Variants in KIR3DL2 observed in about 807,000 individuals in gnomAD.
KIR3DL2 encodes killer cell immunoglobulin-like receptor 3DL2.
KIR3DL2 carries 42 observed loss-of-function variants against 41.6 expected under a neutral mutation model. The observed-to-expected ratio is 1.01, with a 90% CI of 0.79 to 1.31. The LOEUF (loss-of-function observed/expected upper bound fraction) is 1.31, where lower values mean the gene tolerates loss of function less well. Ranked by LOEUF, KIR3DL2 falls within the 50% of genes most tolerant of loss-of-function variation. The pLI, the probability that KIR3DL2 is intolerant of heterozygous loss-of-function variation, is 0.00. For synonymous variants in KIR3DL2, 230 were observed against 221.3 expected, an observed-to-expected ratio of 1.04 and a Z score of -0.35; for missense variants, 728 against 576.8, an observed-to-expected ratio of 1.26 and a Z score of -2.68.
Position 54,853,258 on chromosome 19 carries a change from C to G in KIR3DL2, c.356-489C>G, listed in dbSNP as rs201109175. Among the ~76,000 whole-genome samples the G allele has an allele frequency of 2.7e-4, 41 of 151,734 alleles. No homozygotes were observed. In the East Asian group the frequency reaches 7.7e-3, roughly 29 times the overall value. On this transcript the variant is annotated intron_variant, in intron 3 of 8. Transcript: ENST00000326321. ...TCCTGGAACCAGCACCAGGGACCAC[C>G]CTATGGAAGCTGGGGCCATGGAGAA...
At chr19:54,854,801 A>T (rs1200994312) in intron 4 of KIR3DL2, among the ~76,000 whole-genome samples, 1 of 151,830 alleles carries the variant, frequency 6.6e-6, no homozygotes, top group African/African-American at 2.4e-5. Flanking sequence ...GGGAGGAGAG[A>T]AAAGCCCCAA....
At chr19:54,866,454 C>T in intron 8 of KIR3DL2, 32 bp downstream of exon 8, 1 of 1,613,796 alleles carries the variant, frequency 6.2e-7, no homozygotes, top group Non-Finnish European at 8.5e-7. Context: ...CTCACGGATA[C>T]AGTCTTATCC....
At chr19:54,850,805 G>T (rs1369051383) in intron 1 of KIR3DL2, among the ~76,000 whole-genome samples, 1 of 92,962 alleles carries the variant, frequency 1.1e-5, no homozygotes, top group East Asian at 6.1e-4. Context: ...CTGGAGTGGA[G>T]ATATGGGCCT....
intron 4 of KIR3DL2, among the ~76,000 whole-genome samples, chr19:54,855,186 A>T (rs1422854684): frequency 6.6e-6 from 1 of 151,484 alleles, no homozygotes. Flanking sequence ...TACATAGATG[A>T]TTGATGGATA....
chr19:54,861,765 A>T (rs1391199345), intron 6 of KIR3DL2, among the ~76,000 whole-genome samples: 1 of 151,724 alleles, frequency 6.6e-6, no homozygotes, highest in African/African-American at 2.4e-5. Context: ...CCTTTATCTT[A>T]TCCATTAGAA....
In KIR3DL2 at chr19:54,851,195, C is replaced by T. The variant is rs2064198023; in HGVS notation, c.35-25C>T. ...TGCCCTGGTTTGCCTGCAGTTGGAT[C>T]GTCTATCATGATCTTTCTTTCCAGG... On this transcript the variant is annotated intron_variant, in intron 1 of 8. Coordinates refer to ENST00000326321, the MANE Select transcript of KIR3DL2 (RefSeq NM_006737.4). 15 of 1,608,952 alleles carry T rather than the reference C, an allele frequency of 9.3e-6. 1 individual carries two copies. The highest frequency in any genetic ancestry group is 7.7e-5 in the South Asian group (7 of 90,978).
rs749458854 is a variant in KIR3DL2, at chr19:54,866,437, G to A, written c.1158+15G>A. 1 of 1,613,968 alleles carries A rather than the reference G, an allele frequency of 6.2e-7. No individual in the cohort carries two copies. Among genetic ancestry groups the A allele is most frequent in the South Asian group, 1.1e-5 (1 of 91,082 alleles). On this transcript the variant is annotated intron_variant, in intron 8 of 8. Coordinates refer to ENST00000326321, the MANE Select transcript of KIR3DL2 (RefSeq NM_006737.4). ...TGAATAGGCAGGTAGGTCCTCCTCG[G>A]CCCAGCCTCACGGATACAGTCTTAT...
chr19:54,865,346 G>A (rs2065430206), intron 6 of KIR3DL2, among the ~76,000 whole-genome samples: 1 of 152,008 alleles, frequency 6.6e-6, no homozygotes, highest in Non-Finnish European at 1.5e-5. Context: ...TCTGTGCAGA[G>A]ACCACAGAGA....
At position 54,853,736 on chromosome 19, in the gene KIR3DL2, T is replaced by C; in HGVS notation, c.356-11T>C. The C allele has an allele frequency of 6.2e-7, 1 of 1,607,794 alleles. No homozygotes were observed. Reference sequence around the variant, plus strand: ...AGAGATGCCTTCTAAACTCACAACTTCTCTTTCTAGGAAACCACAGAAAAC... The same window carrying C: ...AGAGATGCCTTCTAAACTCACAACTCCTCTTTCTAGGAAACCACAGAAAAC... On this transcript the variant is annotated splice_polypyrimidine_tract_variant and intron_variant, in intron 3 of 8. Transcript: ENST00000326321.
intron 6 of KIR3DL2, among the ~76,000 whole-genome samples, chr19:54,861,950 C>A (rs2065208160): frequency 6.6e-6 from 1 of 151,932 alleles, no homozygotes; most frequent in African/African-American, 2.4e-5. Flanking sequence ...CTTCCAATCA[C>A]CTGTGGAGAT....
In KIR3DL2 at chr19:54,850,638, G is replaced by T; in HGVS notation, c.34+129G>T. ...TATGGGCCTGGGTGTGGAGATATGG[G>T]CCTGGAGGTGTAAATATGGGCCTGG... On this transcript the variant is annotated intron_variant, in intron 1 of 8. Coordinates refer to ENST00000326321, the MANE Select transcript of KIR3DL2 (RefSeq NM_006737.4). 5.0e-6 allele frequency: 7 copies of T among 1,388,834 alleles called. No individual in the cohort carries two copies. In the South Asian group the frequency reaches 7.0e-5, roughly 14 times the overall value. 86.0% of individuals were successfully genotyped at this position (1,388,834 alleles called of 1,614,324 possible). A position where few individuals can be genotyped will look rare whatever the true frequency, so the allele number is the denominator to read the frequency against.
At position 54,855,753 on chromosome 19, in the gene KIR3DL2, C is replaced by T. The variant is rs1273052426; in HGVS notation, c.790C>T (p.Arg264Cys). The change falls in exon 5 of 9, where the codon CGT becomes TGT. Residue 264 changes from arginine to cysteine, a missense_variant. Transcript: ENST00000326321. ...GTCCAGGGAAGGGGAGGCCCATGAA[C>T]GTAGGCTCCGTGCAGTGCCCAAGGT... is the stretch of plus-strand genomic sequence containing the variant. ...HLSREGEAHE[R>C]RLRAVPKVNR... 15 of 1,613,534 alleles carry T rather than the reference C, an allele frequency of 9.3e-6. No individual in the cohort carries two copies. The highest frequency in any genetic ancestry group is 1.7e-5 in the Admixed American group (1 of 60,004).
At chr19:54,866,462 T>A (rs1454300302) in intron 8 of KIR3DL2, 40 bp downstream of exon 8, 2 of 1,613,802 alleles carry the variant, frequency 1.2e-6, no homozygotes, top group East Asian at 4.5e-5. Context: ...TACAGTCTTA[T>A]CCCTAATAGT....
chr19:54,855,734 G>C lies in KIR3DL2; in HGVS notation c.771G>C (p.Arg257Ser), dbSNP rs1239140693. 3.7e-6 allele frequency: 6 copies of C among 1,613,436 alleles called. No homozygotes were observed. Among genetic ancestry groups the C allele is most frequent in the Non-Finnish European group, 5.1e-6 (6 of 1,179,962 alleles). The change falls in exon 5 of 9, where the codon AGG (arginine) becomes AGC (serine). Residue 257 changes from arginine (R) to serine (S), a missense_variant. Physicochemically the swap from Arg to Ser is moderately radical, Grantham distance 110. Transcript: ENST00000326321. Reference sequence around the variant, plus strand: ...CCTATGACATCTACCATCTGTCCAGGGAAGGGGAGGCCCATGAACGTAGGC... The same window carrying C: ...CCTATGACATCTACCATCTGTCCAGCGAAGGGGAGGCCCATGAACGTAGGC... ...WSSYDIYHLS[R>S]EGEAHERRLR...
rs2145748294 is a variant in KIR3DL2, at chr19:54,866,576, GT to G, written c.1217del (p.Phe406SerfsTer17). 2 of 1,614,008 alleles carry G rather than the reference GT, an allele frequency of 1.2e-6. No homozygotes were observed. Among genetic ancestry groups the G allele is most frequent in the East Asian group, 4.5e-5 (2 of 44,888 alleles). Reference protein sequence around the residue: ...EVTYAQLDHCVFIQRKISRPS... With the variant: ...EVTYAQLDHCXFIQRKISRPS... Reference sequence around the variant, plus strand: ...GACGTACGCACAGTTGGATCACTGCGTTTTCATACAGAGAAAAATCAGTCGC... The same window carrying G: ...GACGTACGCACAGTTGGATCACTGCGTTTCATACAGAGAAAAATCAGTCGC... On this transcript the variant is annotated frameshift_variant, in exon 9 of 9. Coordinates refer to ENST00000326321, the MANE Select transcript of KIR3DL2 (RefSeq NM_006737.4). LOFTEE classifies it low-confidence loss of function (END_TRUNC).
chr19:54,863,958 T>C (rs951436188), intron 6 of KIR3DL2, among the ~76,000 whole-genome samples: 1 of 152,142 alleles, frequency 6.6e-6, no homozygotes, highest in African/African-American at 2.4e-5. Flanking sequence ...TGGTAATGCC[T>C]AGGTTTTCTT....
intron 2 of KIR3DL2, 120 bp from the exon 3 acceptor site, chr19:54,851,878 C>A (rs1380848432): frequency 1.6e-5 from 20 of 1,278,700 alleles, no homozygotes; most frequent in Non-Finnish European, 2.1e-5. Context: ...TTCCTGTAGC[C>A]CTGGGCACCC....
chr19:54,850,550 G>C (rs539285041), intron 1 of KIR3DL2, 41 bp downstream of exon 1: 1 of 1,604,984 alleles, frequency 6.2e-7, no homozygotes. Context: ...GAGTGGGGAT[G>C]GAGATCTCGG....
intron 5 of KIR3DL2, 65 bp downstream of exon 5, chr19:54,855,977 C>T: frequency 2.5e-6 from 4 of 1,569,158 alleles, no homozygotes; most frequent in African/African-American, 1.4e-5. Flanking sequence ...GAGCTTCCTG[C>T]CGATGATGGG....
Sources: gnomAD v4.1 joint callset for allele counts (sites outside exome capture counted in the v4.1 genomes callset) on GRCh38, gnomAD v4.1.1 for gene constraint, MANE v1.5 for transcripts, NCBI Gene and HGNC (gene_info 2026-07-23, HGNC 2026-07-21) for gene names.